The following CYBB variants were observed in gnomAD, a reference collection of about 807,000 sequenced individuals.
CYBB encodes NADPH oxidase 2.
In CYBB, 5 loss-of-function variants were observed where a neutral mutation model predicts 46.5. The ratio of observed to expected loss-of-function variants is 0.11; its 90% CI spans 0.06 to 0.23. The LOEUF is 0.23. CYBB is among the 10% of genes least tolerant of loss of function. The probability of loss-of-function intolerance (pLI) is 1.00; values close to 1 mark genes in which losing one functional copy is unlikely to be tolerated. For synonymous variants in CYBB, 183 were observed against 156.7 expected (o/e 1.17, Z -1.26); for missense variants, 307 against 428.3 (o/e 0.72, Z 2.50).
Position 37,798,476 on chromosome X carries a change from C to T in CYBB, c.675-479C>T, listed in dbSNP as rs146253636. ...TCAGGGCTACTGTATATGACTGTCT[C>T]AGTTGTCTACTATAGTGGGTGCCTG... On this transcript the variant is annotated intron_variant, in intron 6 of 12. Coordinates refer to ENST00000378588, the MANE Select transcript of CYBB (RefSeq NM_000397.4). Among the ~76,000 whole-genome samples, 6 of 112,172 alleles carry T rather than the reference C, an allele frequency of 5.3e-5. No homozygotes were observed. The East Asian group carries it at 1.4e-3, about 26-fold the overall frequency.
At chrX:37,809,506 AC>A in intron 11 of CYBB, 60 bp from the exon 12 acceptor site, 12 of 1,142,842 alleles carry the variant, frequency 1.1e-5, no homozygotes, top group Non-Finnish European at 1.4e-5. Context: ...GGATGTAAAT[AC>A]ATTGTATGTG....
chrX:37,806,008 A>G (rs1424343021), intron 10 of CYBB, among the ~76,000 whole-genome samples: 17 of 112,165 alleles, frequency 1.5e-4, no homozygotes, highest in African/African-American at 5.5e-4. Context: ...AATGTCTGGC[A>G]GTAGCAGCCA....
chrX:37,794,150 C>G (rs912687695), intron 5 of CYBB, among the ~76,000 whole-genome samples: 4 of 111,777 alleles, frequency 3.6e-5, no homozygotes, highest in Admixed American at 2.8e-4. Flanking sequence ...TGGTTTATTA[C>G]TTGCTACAGC....
intron 3 of CYBB, among the ~76,000 whole-genome samples, chrX:37,789,517 G>T (rs1929147990): frequency 1.2e-5 from 1 of 83,131 alleles, no homozygotes; most frequent in Non-Finnish European, 2.5e-5. Context: ...AAGGAAGAAA[G>T]AAAGAAAGAA....
At chrX:37,802,216 G>A (rs781886940) in intron 8 of CYBB, among the ~76,000 whole-genome samples, 181 of 111,080 alleles carry the variant, frequency 1.6e-3, no homozygotes, top group African/African-American at 5.7e-3. Flanking sequence ...AGTTCAGCTG[G>A]CTTTGGAAGT....
At chrX:37,794,730 T>C (rs1294396261) in intron 5 of CYBB, among the ~76,000 whole-genome samples, 2 of 111,453 alleles carry the variant, frequency 1.8e-5, no homozygotes, top group African/African-American at 6.5e-5. Context: ...CCAGCAGTTG[T>C]TGAAGCTTCC....
chrX:37,809,061 TACAC>T (rs782728314), intron 11 of CYBB, among the ~76,000 whole-genome samples: 1 of 112,577 alleles, frequency 8.9e-6, no homozygotes, highest in South Asian at 3.6e-4. Flanking sequence ...CACACACACA[TACAC>T]ACACACTAGC....
In CYBB at chrX:37,791,870, G is replaced by T. The variant is rs782409454; in HGVS notation, c.253-105G>T. 2.6e-4 allele frequency: 153 copies of T among 578,399 alleles called. No homozygotes were observed. The East Asian group carries it at 4.5e-3, about 17-fold the overall frequency. The allele number at this position is 578,399 out of a possible 1,213,427, so 47.7% of individuals were successfully genotyped here. A position where few individuals can be genotyped will look rare whatever the true frequency, so the allele number is the denominator to read the frequency against. Reference sequence around the variant, plus strand: ...AATAGATATAATGATACAGTTTGCAGGGTGGTCATGAAAATTAAATGAGAT... The same window carrying T: ...AATAGATATAATGATACAGTTTGCATGGTGGTCATGAAAATTAAATGAGAT... On this transcript the variant is annotated intron_variant, in intron 3 of 12. Transcript: ENST00000378588.
Position 37,805,015 on chromosome X carries a change from T to C in CYBB, c.1161T>C (p.Val387=). Residue 387 remains valine (V), a synonymous_variant, in exon 10 of 13, where the codon GTT becomes GTC. Transcript: ENST00000378588. ...CCCCATTTCCCTTCAGGATAGCGGT[T>C]GATGGGCCCTTTGGCACTGCCAGTG... The part of the protein sequence containing the change: ...QDAWKLPKIA[V]DGPFGTASED... 8.3e-7 allele frequency: 1 copy of C among 1,211,423 alleles called. No individual in the cohort carries two copies. The highest frequency in any genetic ancestry group is 1.1e-6 in the Non-Finnish European group (1 of 895,094).
chrX:37,789,921 G>A (rs1556466485), intron 3 of CYBB, among the ~76,000 whole-genome samples: 5 of 111,273 alleles, frequency 4.5e-5, no homozygotes, highest in Non-Finnish European at 9.4e-5. Flanking sequence ...TGCGACAACT[G>A]CCCTTTGCAA....
intron 3 of CYBB, among the ~76,000 whole-genome samples, chrX:37,790,228 G>T (rs1556466596): frequency 8.9e-6 from 1 of 112,178 alleles, no homozygotes; most frequent in South Asian, 3.7e-4. Context: ...ATATAATAAT[G>T]CACTCTTCAT....
At position 37,809,662 on chromosome X, in the gene CYBB, A is replaced by G. The variant is rs979304813; in HGVS notation, c.1557A>G (p.Glu519=). 2.5e-6 allele frequency: 3 copies of G among 1,207,326 alleles called. No homozygotes were observed. The African/African-American group carries it at 5.3e-5, about 21-fold the overall frequency. ...TLYGRPNWDN[E]FKTIASQHPN... ...ATGGACGGCCCAACTGGGATAATGA[A>G]TTCAAGACAATTGCAAGTCAACACC... The change falls in exon 12 of 13, where the codon GAA becomes GAG. Residue 519 remains glutamate (E), a synonymous_variant. Coordinates refer to ENST00000378588, the MANE Select transcript of CYBB (RefSeq NM_000397.4).
At chrX:37,782,233 TCAGA>T (rs781843030) in intron 2 of CYBB, 50 bp downstream of exon 2, 2 of 830,152 alleles carry the variant, frequency 2.4e-6, no homozygotes, top group East Asian at 6.2e-5. Context: ...ACATTTCTCA[TCAGA>T]CATTCTTGTT....
chrX:37,812,530 G>A lies in CYBB; in HGVS notation c.*1613G>A, dbSNP rs1569480498. On this transcript the variant is annotated 3_prime_UTR_variant, in exon 13 of 13. Transcript: ENST00000378588. The stretch of plus-strand genomic sequence containing the variant: ...CCCCAGATTTCTTAAAGTTTGATAT[G>A]TATAGAATATAATTGAAGGAGGTAT... The A allele has an allele frequency of 8.9e-6, 1 of 111,740 alleles. No individual in the cohort carries two copies. The highest frequency in any genetic ancestry group is 3.3e-5 in the African/African-American group (1 of 30,717). The allele number at this position is 111,740 out of a possible 1,213,427, so 9.2% of individuals were successfully genotyped here. A position where few individuals can be genotyped will look rare whatever the true frequency, so the allele number is the denominator to read the frequency against.
intron 1 of CYBB, among the ~76,000 whole-genome samples, chrX:37,781,732 T>C (rs1928955892): frequency 9.0e-6 from 1 of 111,457 alleles, no homozygotes; most frequent in African/African-American, 3.3e-5. Context: ...AATAGTAATA[T>C]GTTCCCTTCC....
chrX:37,783,969 T>G (rs1226411802), intron 3 of CYBB, among the ~76,000 whole-genome samples: 1 of 111,435 alleles, frequency 9.0e-6, no homozygotes, highest in Non-Finnish European at 1.9e-5. Flanking sequence ...TTCAAAAAAA[T>G]TTAAGTCAGA....
At chrX:37,808,162 G>T (rs782139816) in intron 11 of CYBB, among the ~76,000 whole-genome samples, 5 of 111,691 alleles carry the variant, frequency 4.5e-5, no homozygotes, top group Non-Finnish European at 9.4e-5. Context: ...AGTTTGTAAA[G>T]AACAGAAATT....
At position 37,792,049 on chromosome X, in the gene CYBB, A is replaced by G. The variant is rs1556467125; in HGVS notation, c.327A>G (p.Ala109=). The change falls in exon 4 of 13, where the codon GCA becomes GCG. Residue 109 remains alanine (A), a synonymous_variant. Coordinates refer to ENST00000378588, the MANE Select transcript of CYBB (RefSeq NM_000397.4). ...ATAAAATGGTGGCATGGATGATTGC[A>G]CTTCACTCTGGTAAGTTTATTAAAG... ...TFHKMVAWMI[A]LHSAIHTIAH... 8 of 1,190,843 alleles carry G rather than the reference A, an allele frequency of 6.7e-6. No homozygotes were observed. The highest frequency in any genetic ancestry group is 8.0e-6 in the Non-Finnish European group (7 of 877,982).
At chrX:37,785,291 G>A (rs185116377) in intron 3 of CYBB, among the ~76,000 whole-genome samples, 3 of 112,067 alleles carry the variant, frequency 2.7e-5, no homozygotes, top group Non-Finnish European at 5.6e-5. Context: ...TCTGTGATGA[G>A]GTTCCTTTCC....
Sources: allele counts gnomAD v4.1 joint callset (sites outside exome capture counted in the v4.1 genomes callset), GRCh38; gene constraint gnomAD v4.1.1; transcripts MANE v1.5; gene names NCBI Gene and HGNC (gene_info 2026-07-23, HGNC 2026-07-21).